ZNF385D: variants seen among roughly 807,000 people sequenced by gnomAD.
ZNF385D encodes the protein zinc finger protein 385D.
ZNF385D carries 15 observed loss-of-function variants against 35.8 expected under a neutral mutation model. The ratio of observed to expected loss-of-function variants is 0.42; its 90% CI spans 0.28 to 0.64. ZNF385D has a LOEUF of 0.64. Ranked by LOEUF, ZNF385D falls within the 30% of genes least tolerant of loss-of-function variation. The pLI is 0.23. For missense variants in ZNF385D, 474 were observed against 494.6 expected, an observed-to-expected ratio of 0.96 and a Z score of 0.39; for synonymous variants, 212 against 186.8, an observed-to-expected ratio of 1.13 and a Z score of -1.10.
At chr3:21,487,313 G>A (rs1305059417) in intron 4 of ZNF385D, among the ~76,000 whole-genome samples, 1 of 151,674 alleles carries the variant, frequency 6.6e-6, no homozygotes, top group Non-Finnish European at 1.5e-5. Context: ...TCTAAATGCA[G>A]TTCACAATTA....
chr3:21,887,436 A>G (rs1476419378), intron 3 of ZNF385D, among the ~76,000 whole-genome samples: 1 of 152,230 alleles, frequency 6.6e-6, no homozygotes, highest in Non-Finnish European at 1.5e-5. Context: ...AGCAACAACT[A>G]AAATCTGAAT....
At chr3:22,111,705 G>C (rs1156740587) in intron 3 of ZNF385D, among the ~76,000 whole-genome samples, 1 of 152,110 alleles carries the variant, frequency 6.6e-6, no homozygotes, top group Non-Finnish European at 1.5e-5. Flanking sequence ...TCATAAAAAA[G>C]TAGAAGACAT....
intron 3 of ZNF385D, among the ~76,000 whole-genome samples, chr3:22,167,156 C>A (rs1706389281): frequency 1.3e-5 from 2 of 152,172 alleles, no homozygotes; most frequent in Non-Finnish European, 2.9e-5. Context: ...AATCCATGGA[C>A]TGGACTGAGA....
intron 3 of ZNF385D, among the ~76,000 whole-genome samples, chr3:21,558,982 A>G (rs911681239): frequency 1.7e-5 from 2 of 120,946 alleles, no homozygotes; most frequent in Non-Finnish European, 3.3e-5. Context: ...TAGGATTGCA[A>G]CCCCTGCTTT....
At chr3:22,218,023 C>A (rs1698003085) in intron 2 of ZNF385D, among the ~76,000 whole-genome samples, 1 of 152,050 alleles carries the variant, frequency 6.6e-6, no homozygotes, top group African/African-American at 2.4e-5. Context: ...CTAGCTGCTC[C>A]AACAGATACA....
At chr3:22,113,399 T>C (rs921955484) in intron 3 of ZNF385D, among the ~76,000 whole-genome samples, 2 of 152,110 alleles carry the variant, frequency 1.3e-5, no homozygotes, top group African/African-American at 4.8e-5. Flanking sequence ...ATTTCTCTAA[T>C]CGTTCATTTT....
chr3:22,362,580 T>C (rs1696462993), intron 2 of ZNF385D, among the ~76,000 whole-genome samples: 1 of 152,074 alleles, frequency 6.6e-6, no homozygotes, highest in South Asian at 2.1e-4. Context: ...AATCATATCT[T>C]ACAGAACATA....
At chr3:22,194,806 C>T (rs752475838) in intron 2 of ZNF385D, among the ~76,000 whole-genome samples, 3 of 151,774 alleles carry the variant, frequency 2.0e-5, no homozygotes, top group Non-Finnish European at 2.9e-5. Context: ...TAGATACTTC[C>T]AAATTATGTG....
intron 2 of ZNF385D, among the ~76,000 whole-genome samples, chr3:21,654,915 G>A (rs116419881): frequency 6.6e-6 from 1 of 152,122 alleles, no homozygotes; most frequent in Non-Finnish European, 1.5e-5. Context: ...AAGAGTAATT[G>A]TTCTTTACAT....
chr3:21,944,480 A>C (rs1369249139), intron 3 of ZNF385D, among the ~76,000 whole-genome samples: 1 of 152,214 alleles, frequency 6.6e-6, no homozygotes, highest in Non-Finnish European at 1.5e-5. Context: ...CTGGCTTGTA[A>C]CTGTAGACAA....
At chr3:22,252,430 C>T (rs1700109235) in intron 2 of ZNF385D, among the ~76,000 whole-genome samples, 1 of 151,970 alleles carries the variant, frequency 6.6e-6, no homozygotes, top group Non-Finnish European at 1.5e-5. Flanking sequence ...AAGTTACAGT[C>T]TTAAGATGAG....
intron 3 of ZNF385D, among the ~76,000 whole-genome samples, chr3:21,908,496 G>A (rs1210515725): frequency 6.6e-6 from 1 of 152,052 alleles, no homozygotes; most frequent in Non-Finnish European, 1.5e-5. Flanking sequence ...ACCTTGTAGA[G>A]GGGGAGGCAG....
intron 3 of ZNF385D, among the ~76,000 whole-genome samples, chr3:22,007,086 G>C (rs866604796): frequency 1.2e-4 from 18 of 150,472 alleles, no homozygotes; most frequent in Admixed American, 1.1e-3. Flanking sequence ...AAGGCAAACT[G>C]TTCATATGTT....
At chr3:22,167,468 T>C (rs1170947538) in intron 3 of ZNF385D, among the ~76,000 whole-genome samples, 1 of 152,204 alleles carries the variant, frequency 6.6e-6, no homozygotes, top group Non-Finnish European at 1.5e-5. Flanking sequence ...AATTATTCTC[T>C]ACCCTTCTCA....
chr3:22,091,476 T>C (rs1161629005), intron 3 of ZNF385D, among the ~76,000 whole-genome samples: 1 of 152,130 alleles, frequency 6.6e-6, no homozygotes, highest in Non-Finnish European at 1.5e-5. Flanking sequence ...GGATGACTAG[T>C]AATCAGAACA....
intron 2 of ZNF385D, among the ~76,000 whole-genome samples, chr3:22,195,384 A>G (rs566504152): frequency 2.0e-5 from 3 of 152,016 alleles, no homozygotes; most frequent in East Asian, 1.9e-4. Context: ...AAACATATAT[A>G]TATTTTTTCT....
chr3:21,479,049 G>GTA (rs10646425), intron 4 of ZNF385D, among the ~76,000 whole-genome samples: 79,479 of 150,314 alleles, frequency 0.53, 21,299 homozygotes, highest in East Asian at 0.86. Context: ...TAAATATTGG[G>GTA]TATATATATA....
intron 1 of ZNF385D, among the ~76,000 whole-genome samples, chr3:21,705,722 C>A (rs1277949601): frequency 6.6e-6 from 1 of 152,196 alleles, no homozygotes. Context: ...TGTTCCATTG[C>A]TTCTTTCCAC....
intron 3 of ZNF385D, among the ~76,000 whole-genome samples, chr3:21,764,732 G>A (rs2070754772): frequency 6.6e-6 from 1 of 152,148 alleles, no homozygotes. Context: ...AAATGATGGA[G>A]TCAGCATGCT....
Sources: gnomAD v4.1 joint callset for allele counts (sites outside exome capture counted in the v4.1 genomes callset) on GRCh38, gnomAD v4.1.1 for gene constraint, MANE v1.5 for transcripts, NCBI Gene and HGNC (gene_info 2026-07-23, HGNC 2026-07-21) for gene names.